The following PCDH9 variants were observed in gnomAD, a reference collection of about 807,000 sequenced individuals.
PCDH9 encodes the protein protocadherin 9, also known as protocadherin-9.
Under a neutral mutation model 70.6 loss-of-function variants are expected in PCDH9, and 24 were observed. That is an observed-to-expected ratio of 0.34 (90% CI 0.25 to 0.48). The LOEUF (loss-of-function observed/expected upper bound fraction) is 0.48. Ranked by LOEUF, PCDH9 falls within the 20% of genes least tolerant of loss-of-function variation. The pLI is 0.99. For synonymous variants in PCDH9, 562 were observed against 558.5 expected, an observed-to-expected ratio of 1.01 and a Z score of -0.09; for missense variants, 1,281 against 1,503.6, an observed-to-expected ratio of 0.85 and a Z score of 2.45.
At chr13:66,965,526 A>C (rs2083420068) in intron 2 of PCDH9, among the ~76,000 whole-genome samples, 1 of 152,190 alleles carries the variant, frequency 6.6e-6, no homozygotes, top group South Asian at 2.1e-4. Flanking sequence ...TAAATGCCCC[A>C]AAAACAACCA....
At chr13:66,617,261 A>G (rs2077367280) in intron 4 of PCDH9, among the ~76,000 whole-genome samples, 1 of 152,088 alleles carries the variant, frequency 6.6e-6, no homozygotes, top group African/African-American at 2.4e-5. Flanking sequence ...GGAAGATGGA[A>G]AGAGGGCACT....
chr13:66,480,043 A>G (rs1351582458), intron 4 of PCDH9, among the ~76,000 whole-genome samples: 4 of 152,212 alleles, frequency 2.6e-5, no homozygotes, highest in Non-Finnish European at 4.4e-5. Context: ...CTCGCCACGA[A>G]GGTCCACAGC....
At chr13:66,976,397 G>T (rs2083621065) in intron 2 of PCDH9, among the ~76,000 whole-genome samples, 1 of 151,950 alleles carries the variant, frequency 6.6e-6, no homozygotes, top group Non-Finnish European at 1.5e-5. Context: ...CTTTCATATG[G>T]GTATGGTTTG....
intron 4 of PCDH9, among the ~76,000 whole-genome samples, chr13:66,567,870 A>G (rs1003929213): frequency 6.6e-6 from 1 of 152,190 alleles, no homozygotes; most frequent in Non-Finnish European, 1.5e-5. Flanking sequence ...TACTTCTTAT[A>G]TAAACCACAG....
Position 66,355,435 on chromosome 13 carries a change from G to A in PCDH9, c.3341-50407C>T, listed in dbSNP as rs182852841. Among the ~76,000 whole-genome samples the A allele has an allele frequency of 1.2e-3, 175 of 152,032 alleles. 2 individuals are homozygous for A. Among genetic ancestry groups the A allele is most frequent in the African/African-American group, 4.1e-3 (168 of 41,470 alleles). On this transcript the variant is annotated intron_variant, in intron 4 of 4. Coordinates refer to ENST00000377865, the MANE Select transcript of PCDH9 (RefSeq NM_203487.3). ...AAGTGTCCTTTTCATTGTCTGTTTA[G>A]TGTCATGTCTTTTGTTTTTGTTTTT...
chr13:66,371,362 T>G (rs1409679446), intron 4 of PCDH9, among the ~76,000 whole-genome samples: 1 of 152,090 alleles, frequency 6.6e-6, no homozygotes, highest in African/African-American at 2.4e-5. Context: ...TATTACACAT[T>G]CTTAGTGTGA....
chr13:67,077,301 C>T (rs1183537024), intron 2 of PCDH9, among the ~76,000 whole-genome samples: 2 of 152,208 alleles, frequency 1.3e-5, no homozygotes, highest in African/African-American at 4.8e-5. Flanking sequence ...CATGCTTTTA[C>T]AGGGCCTTTG....
At chr13:66,387,236 C>T (rs1016523287) in intron 4 of PCDH9, among the ~76,000 whole-genome samples, 5 of 152,144 alleles carry the variant, frequency 3.3e-5, no homozygotes, top group Non-Finnish European at 7.4e-5. Context: ...CAACAGTGTC[C>T]ACCTTTTGAT....
At chr13:66,813,440 G>A (rs933866065) in intron 3 of PCDH9, among the ~76,000 whole-genome samples, 2 of 150,782 alleles carry the variant, frequency 1.3e-5, no homozygotes, top group Non-Finnish European at 3.0e-5. Flanking sequence ...AGAGGAAGGA[G>A]GGAAGAGAGA....
At chr13:66,353,929 G>A (rs1393604990) in intron 4 of PCDH9, among the ~76,000 whole-genome samples, 2 of 152,070 alleles carry the variant, frequency 1.3e-5, no homozygotes, top group African/African-American at 4.8e-5. Context: ...GCTAAATATT[G>A]TGAATGAAAA....
At chr13:66,775,765 T>C (rs1566186139) in intron 3 of PCDH9, among the ~76,000 whole-genome samples, 1 of 152,204 alleles carries the variant, frequency 6.6e-6, no homozygotes. Flanking sequence ...AGTAGGCTAT[T>C]AGCAGTGAAG....
At chr13:66,761,005 G>A (rs2079618684) in intron 3 of PCDH9, among the ~76,000 whole-genome samples, 1 of 152,122 alleles carries the variant, frequency 6.6e-6, no homozygotes, top group Non-Finnish European at 1.5e-5. Flanking sequence ...CAATGACAAC[G>A]TGTGCCCAGC....
chr13:67,017,383 A>G (rs2084584347), intron 2 of PCDH9, among the ~76,000 whole-genome samples: 1 of 152,194 alleles, frequency 6.6e-6, no homozygotes, highest in East Asian at 1.9e-4. Context: ...GGGAATCTAA[A>G]TAAATCTCAC....
intron 3 of PCDH9, among the ~76,000 whole-genome samples, chr13:66,865,197 A>G (rs2081552441): frequency 6.6e-6 from 1 of 152,212 alleles, no homozygotes; most frequent in South Asian, 2.1e-4. Context: ...AGACGTGGTT[A>G]AAATATTTGA....
At chr13:67,019,188 C>CAT (rs749856764) in intron 2 of PCDH9, among the ~76,000 whole-genome samples, 24 of 102,714 alleles carry the variant, frequency 2.3e-4, no homozygotes, top group African/African-American at 4.4e-4. Context: ...GGCAGTTGCT[C>CAT]TTTTTTTTTT....
chr13:66,872,986 A>G (rs184757350), intron 3 of PCDH9, among the ~76,000 whole-genome samples: 2 of 152,300 alleles, frequency 1.3e-5, no homozygotes, highest in Admixed American at 1.3e-4. Flanking sequence ...ATAGCTTCTT[A>G]TTTTTAATTT....
At chr13:66,617,362 C>A (rs2077368854) in intron 4 of PCDH9, among the ~76,000 whole-genome samples, 1 of 152,178 alleles carries the variant, frequency 6.6e-6, no homozygotes, top group Non-Finnish European at 1.5e-5. Flanking sequence ...GGGTAGCCAT[C>A]ATCTTCCGTC....
intron 3 of PCDH9, among the ~76,000 whole-genome samples, chr13:66,882,223 T>G (rs1341340911): frequency 6.6e-6 from 1 of 152,198 alleles, no homozygotes; most frequent in Admixed American, 6.5e-5. Context: ...AACCTAAAAA[T>G]ATTCTACTGT....
intron 3 of PCDH9, among the ~76,000 whole-genome samples, chr13:66,682,262 A>G (rs1013420830): frequency 6.6e-6 from 1 of 151,988 alleles, no homozygotes; most frequent in African/African-American, 2.4e-5. Flanking sequence ...GCCCATCGCC[A>G]TTATAACACA....
Sources: gnomAD v4.1 joint callset for allele counts (sites outside exome capture counted in the v4.1 genomes callset) on GRCh38, gnomAD v4.1.1 for gene constraint, MANE v1.5 for transcripts, NCBI Gene and HGNC (gene_info 2026-07-23, HGNC 2026-07-21) for gene names.